ZNF385D: variants seen among roughly 807,000 people sequenced by gnomAD.
ZNF385D encodes the protein zinc finger protein 385D.
In ZNF385D, 15 loss-of-function variants were observed where a neutral mutation model predicts 35.8. The observed-to-expected ratio is 0.42, with a 90% CI of 0.28 to 0.64. The LOEUF (loss-of-function observed/expected upper bound fraction) is 0.64. ZNF385D is among the 30% of genes least tolerant of loss of function. ZNF385D has a pLI of 0.23. For missense variants in ZNF385D, 474 were observed against 494.6 expected, an observed-to-expected ratio of 0.96 and a Z score of 0.39; for synonymous variants, 212 against 186.8, an observed-to-expected ratio of 1.13 and a Z score of -1.10.
intron 3 of ZNF385D, among the ~76,000 whole-genome samples, chr3:21,763,536 T>C (rs999007640): frequency 1.3e-5 from 2 of 152,156 alleles, no homozygotes; most frequent in Admixed American, 1.3e-4. Flanking sequence ...ATGAATATCG[T>C]GTGCTTTAGG....
At chr3:22,166,681 G>T (rs1423879145) in intron 3 of ZNF385D, among the ~76,000 whole-genome samples, 1 of 152,234 alleles carries the variant, frequency 6.6e-6, no homozygotes, top group Admixed American at 6.5e-5. Context: ...TACTGAACTT[G>T]AGTAAACTCA....
chr3:22,112,967 A>G (rs1702616897), intron 3 of ZNF385D, among the ~76,000 whole-genome samples: 1 of 152,054 alleles, frequency 6.6e-6, no homozygotes. Flanking sequence ...CAAGTATAGA[A>G]CTTTAGTCTC....
At chr3:21,434,193 A>C (rs1179901233) in intron 5 of ZNF385D, among the ~76,000 whole-genome samples, 1 of 152,108 alleles carries the variant, frequency 6.6e-6, no homozygotes, top group Non-Finnish European at 1.5e-5. Flanking sequence ...GTCAGCCCCA[A>C]TTGTTCAACT....
At chr3:21,744,993 T>G (rs933133971) in intron 1 of ZNF385D, among the ~76,000 whole-genome samples, 1 of 152,180 alleles carries the variant, frequency 6.6e-6, no homozygotes, top group African/African-American at 2.4e-5. Flanking sequence ...CCTTCCTCTC[T>G]GCTCTCCCAC....
chr3:21,610,451 A>G (rs1459556608), intron 2 of ZNF385D, among the ~76,000 whole-genome samples: 5 of 152,156 alleles, frequency 3.3e-5, no homozygotes, highest in Admixed American at 2.6e-4. Flanking sequence ...ATAATAAATT[A>G]CTACAAACTT....
At position 21,815,473 on chromosome 3, in the gene ZNF385D, C is replaced by T. The variant is rs147368674; in HGVS notation, c.326-150445G>A. On this transcript the variant is annotated intron_variant, in intron 3 of 5. Coordinates refer to the ZNF385D transcript ENST00000494108. ...AAGAAGAAAAGAGAGAAGAATCAGACGCAATAAAAAATGATAAAGGGGATA... is the reference window on the plus strand; with the variant it reads ...AAGAAGAAAAGAGAGAAGAATCAGATGCAATAAAAAATGATAAAGGGGATA... Among the ~76,000 whole-genome samples the T allele has an allele frequency of 2.7e-3, 404 of 151,002 alleles. 7 individuals are homozygous for T. The East Asian group carries it at 0.062, about 23-fold the overall frequency.
At chr3:22,314,307 C>T (rs78882456) in intron 2 of ZNF385D, among the ~76,000 whole-genome samples, 9,154 of 151,986 alleles carry the variant, frequency 0.06, 687 homozygotes, top group African/African-American at 0.18. Flanking sequence ...CAAAGTCTAT[C>T]GTATCATTCT....
chr3:22,370,624 G>A (rs943516563), intron 2 of ZNF385D, among the ~76,000 whole-genome samples: 2 of 152,108 alleles, frequency 1.3e-5, no homozygotes. Context: ...TTGTGTAGGG[G>A]TTAACAACCG....
intron 3 of ZNF385D, among the ~76,000 whole-genome samples, chr3:21,833,624 GT>G (rs1195280757): frequency 6.6e-6 from 1 of 152,134 alleles, no homozygotes; most frequent in Non-Finnish European, 1.5e-5. Flanking sequence ...AATTTCTGTT[GT>G]TTTAAGACGT....
At chr3:22,059,065 C>T (rs550716287) in intron 3 of ZNF385D, among the ~76,000 whole-genome samples, 210 of 152,268 alleles carry the variant, frequency 1.4e-3, no homozygotes, top group South Asian at 2.1e-3. Flanking sequence ...TTGTTTGGGG[C>T]GGCCAAGCAG....
chr3:21,872,337 T>A (rs940184492), intron 3 of ZNF385D, among the ~76,000 whole-genome samples: 1 of 152,182 alleles, frequency 6.6e-6, no homozygotes, highest in African/African-American at 2.4e-5. Context: ...TGTAAAGACT[T>A]TGAGGTCAAG....
rs1383061615 is a variant in ZNF385D at position 21,629,179 on chromosome 3, T to A, written c.165+35707A>T. ...GACATTTTGGGGAGGTGCACCCTTC[T>A]CTTTTCTTGAAGACTTTCTAAAAGT... On this transcript the variant is annotated intron_variant, in intron 2 of 7. Transcript: ENST00000281523. 3.3e-5 allele frequency among the ~76,000 whole-genome samples: 5 copies of A among 152,116 alleles called. No homozygotes were observed. In the East Asian group the frequency reaches 9.7e-4, roughly 29 times the overall value.
At chr3:22,171,943 C>A (rs1405907920) in intron 2 of ZNF385D, among the ~76,000 whole-genome samples, 3 of 150,324 alleles carry the variant, frequency 2.0e-5, no homozygotes, top group East Asian at 3.9e-4. Flanking sequence ...TCAAATGGCA[C>A]TCTCTGAAGT....
chr3:21,738,311 G>C (rs932793485), intron 1 of ZNF385D, among the ~76,000 whole-genome samples: 2 of 152,184 alleles, frequency 1.3e-5, no homozygotes, highest in African/African-American at 4.8e-5. Flanking sequence ...CAGACATCTT[G>C]GGTATGATCT....
Position 21,473,091 on chromosome 3 carries a change from C to G in ZNF385D, c.440-35888G>C, listed in dbSNP as rs988720312. 2.0e-5 allele frequency among the ~76,000 whole-genome samples: 3 copies of G among 152,124 alleles called. No homozygotes were observed. The South Asian group carries it at 6.2e-4, about 31-fold the overall frequency. On this transcript the variant is annotated intron_variant, in intron 4 of 7. Coordinates refer to ENST00000281523, the MANE Select transcript of ZNF385D (RefSeq NM_024697.3). ...TTTCACTCCTAACTTCTAATCTACT[C>G]CCTACATTAAAACCATACTAAACAT...
intron 3 of ZNF385D, among the ~76,000 whole-genome samples, chr3:22,057,368 T>A (rs1281305446): frequency 6.6e-6 from 1 of 152,154 alleles, no homozygotes; most frequent in Admixed American, 6.5e-5. Context: ...AAATTAACAT[T>A]AGCTAACATT....
intron 3 of ZNF385D, among the ~76,000 whole-genome samples, chr3:22,112,517 T>C (rs570663422): frequency 1.1e-3 from 160 of 152,292 alleles, no homozygotes; most frequent in African/African-American, 3.7e-3. Context: ...TATTTATCAA[T>C]TTATCAATGT....
chr3:21,538,284 T>C (rs1382610077), intron 3 of ZNF385D, among the ~76,000 whole-genome samples: 4 of 152,010 alleles, frequency 2.6e-5, no homozygotes, highest in South Asian at 2.1e-4. Context: ...GATACAAATA[T>C]GGGGGTCATC....
At chr3:21,576,886 C>A (rs560349235) in intron 2 of ZNF385D, among the ~76,000 whole-genome samples, 1 of 152,222 alleles carries the variant, frequency 6.6e-6, no homozygotes, top group African/African-American at 2.4e-5. Context: ...TTAATTGATA[C>A]ATAATATGCA....
Sources: gnomAD v4.1 joint callset for allele counts (sites outside exome capture counted in the v4.1 genomes callset) on GRCh38, gnomAD v4.1.1 for gene constraint, MANE v1.5 for transcripts, NCBI Gene and HGNC (gene_info 2026-07-23, HGNC 2026-07-21) for gene names.